Variants in ITSN1 observed in about 807,000 individuals in gnomAD.
ITSN1 encodes the protein intersectin 1.
Under a neutral mutation model 239.8 loss-of-function variants are expected in ITSN1, and 58 were observed. The observed-to-expected ratio is 0.24, with a 90% CI of 0.20 to 0.30. ITSN1 has a LOEUF of 0.30. Ranked by LOEUF, ITSN1 falls within the 10% of genes least tolerant of loss-of-function variation. The pLI is 1.00. For missense variants in ITSN1, 1,558 were observed against 2,103.3 expected (o/e 0.74, Z 5.07); for synonymous variants, 780 against 770.8 (o/e 1.01, Z -0.20).
At chr21:33,850,184 C>G (rs908615450) in intron 29 of ITSN1, among the ~76,000 whole-genome samples, 2 of 151,394 alleles carry the variant, frequency 1.3e-5, no homozygotes, top group Admixed American at 1.3e-4. Flanking sequence ...GCCTGGCAAC[C>G]CCTGTGGACT....
rs200100246 is a variant in ITSN1 at position 33,799,805 on chromosome 21, C to T, written c.2183-3C>T. 3 of 1,611,048 alleles carry T rather than the reference C, an allele frequency of 1.9e-6. No individual in the cohort carries two copies. Among genetic ancestry groups the T allele is most frequent in the Non-Finnish European group, 2.5e-6 (3 of 1,178,978 alleles). On this transcript the variant is annotated splice_polypyrimidine_tract_variant and splice_region_variant and intron_variant, in intron 18 of 39. Transcript: ENST00000381318. The stretch of plus-strand genomic sequence containing the variant: ...TGTCCCCCCCACCTTTTTTTGTAAA[C>T]AGAAAAAGGTCCACTTACCATTTCT...
chr21:33,766,045 T>G, intron 10 of ITSN1, 33 bp downstream of exon 10: 1 of 1,611,942 alleles, frequency 6.2e-7, no homozygotes. Flanking sequence ...AGGAATTGTA[T>G]GCGGAGTATA....
chr21:33,751,703 G>A (rs1441741523), intron 6 of ITSN1, 107 bp from the exon 7 acceptor site: 5 of 811,768 alleles, frequency 6.2e-6, no homozygotes, highest in Non-Finnish European at 1.0e-5. Flanking sequence ...CAAGAAGGGG[G>A]AATTATTTCT....
chr21:33,653,141 T>A (rs1425353949), intron 1 of ITSN1, among the ~76,000 whole-genome samples: 7 of 151,696 alleles, frequency 4.6e-5, no homozygotes, highest in Non-Finnish European at 8.8e-5. Flanking sequence ...ACTGCAGGCA[T>A]GTGCCACCAT....
intron 39 of ITSN1, 50 bp from the exon 40 acceptor site, chr21:33,888,102 G>A (rs374869523): frequency 5.7e-6 from 9 of 1,588,782 alleles, no homozygotes; most frequent in African/African-American, 4.1e-5. Flanking sequence ...CATGTGCCTC[G>A]AAGAGAGGGA....
chr21:33,720,892 A>G (rs757851636), intron 2 of ITSN1, among the ~76,000 whole-genome samples: 1 of 152,204 alleles, frequency 6.6e-6, no homozygotes, highest in Non-Finnish European at 1.5e-5. Context: ...TTAATTTACT[A>G]TAATCTTGCT....
chr21:33,836,816 T>C (rs1481835336), intron 29 of ITSN1, among the ~76,000 whole-genome samples, 184 bp downstream of exon 29: 2 of 152,196 alleles, frequency 1.3e-5, no homozygotes, highest in African/African-American at 4.8e-5. Flanking sequence ...TTTATTTCTC[T>C]TTAATTTTCA....
chr21:33,886,250 G>A lies in ITSN1; in HGVS notation c.4844-37G>A, dbSNP rs891586735. 8.2e-6 allele frequency: 12 copies of A among 1,471,048 alleles called. No homozygotes were observed. The African/African-American group carries it at 1.4e-4, about 17-fold the overall frequency. 91.1% of individuals were successfully genotyped at this position (1,471,048 alleles called of 1,614,324 possible). The stretch of plus-strand genomic sequence containing the variant: ...AAAAGAGTGGAGATCAAAATGAGGT[G>A]TGAGTTCCACCTGGCGAAGGCTTTT... On this transcript the variant is annotated intron_variant, in intron 38 of 39. Coordinates refer to ENST00000381318, the MANE Select transcript of ITSN1 (RefSeq NM_003024.3).
chr21:33,700,951 C>G (rs372478226), intron 1 of ITSN1, among the ~76,000 whole-genome samples: 1 of 141,756 alleles, frequency 7.1e-6, no homozygotes, highest in Non-Finnish European at 1.5e-5. Context: ...TTTCTTTTTT[C>G]TGTGTGTGTG....
At chr21:33,711,698 A>G (rs1263985364) in intron 1 of ITSN1, among the ~76,000 whole-genome samples, 2 of 138,298 alleles carry the variant, frequency 1.4e-5, no homozygotes, top group Admixed American at 7.4e-5. Flanking sequence ...GTGTTGTGTA[A>G]TTGCTCCAGG....
intron 27 of ITSN1, among the ~76,000 whole-genome samples, chr21:33,832,228 C>T (rs1039652894): frequency 1.2e-4 from 19 of 152,202 alleles, no homozygotes; most frequent in South Asian, 4.1e-4. Flanking sequence ...TCTCCACTTT[C>T]GCAAGAGCTG....
intron 7 of ITSN1, among the ~76,000 whole-genome samples, chr21:33,753,761 T>TAAAAAA (rs760085854): frequency 0.028 from 2,299 of 81,662 alleles, 89 homozygotes; most frequent in African/African-American, 0.044. Context: ...GTCTCTTTCT[T>TAAAAAA]AAAAAAAAAA....
chr21:33,705,258 T>C (rs2092204874), intron 1 of ITSN1, among the ~76,000 whole-genome samples: 1 of 152,160 alleles, frequency 6.6e-6, no homozygotes, highest in African/African-American at 2.4e-5. Flanking sequence ...TAATAAGATG[T>C]AGGAAAGATA....
chr21:33,723,989 C>T (rs1314170450), intron 4 of ITSN1, among the ~76,000 whole-genome samples: 1 of 152,166 alleles, frequency 6.6e-6, no homozygotes, highest in African/African-American at 2.4e-5. Flanking sequence ...CTTTTAAGCA[C>T]AGTCTACAGA....
intron 16 of ITSN1, among the ~76,000 whole-genome samples, chr21:33,789,065 A>G (rs2070895070): frequency 6.6e-6 from 1 of 152,212 alleles, no homozygotes. Flanking sequence ...AAAATTTTCC[A>G]TACAGGCACA....
chr21:33,702,117 T>TCC (rs1280594061), intron 1 of ITSN1, among the ~76,000 whole-genome samples: 124,162 of 148,484 alleles, frequency 0.84, 52,912 homozygotes, highest in Non-Finnish European at 0.9. Flanking sequence ...TTTTTTTTTT[T>TCC]TTTTTTTTTT....
chr21:33,745,261 GC>G (rs2067111562), intron 5 of ITSN1, among the ~76,000 whole-genome samples: 1 of 152,162 alleles, frequency 6.6e-6, no homozygotes, highest in Non-Finnish European at 1.5e-5. Flanking sequence ...CCATGAGAAT[GC>G]AATCAGCAAA....
chr21:33,810,493 T>C (rs2072824093), intron 20 of ITSN1, among the ~76,000 whole-genome samples: 1 of 152,194 alleles, frequency 6.6e-6, no homozygotes, highest in Non-Finnish European at 1.5e-5. Context: ...ATGGTTTTTT[T>C]TTTTAAATCT....
chr21:33,794,513 G>A (rs200257582), intron 17 of ITSN1, 45 bp downstream of exon 17: 4 of 1,571,862 alleles, frequency 2.5e-6, no homozygotes, highest in South Asian at 2.4e-5. Context: ...GGAACTTTGA[G>A]GATTTACTAT....
Sources: gnomAD v4.1 joint callset for allele counts (sites outside exome capture counted in the v4.1 genomes callset) on GRCh38, gnomAD v4.1.1 for gene constraint, MANE v1.5 for transcripts, NCBI Gene and HGNC (gene_info 2026-07-23, HGNC 2026-07-21) for gene names.